GCNT2: variants seen among roughly 807,000 people sequenced by gnomAD.
The protein encoded by GCNT2 is N-acetyllactosaminide beta-1,6-N-acetylglucosaminyl-transferase.
In GCNT2, 34 loss-of-function variants were observed where a neutral mutation model predicts 34.2. The ratio of observed to expected loss-of-function variants is 1.00; its 90% CI spans 0.76 to 1.32. GCNT2 has a LOEUF of 1.32. GCNT2 is among the 40% of genes most tolerant of loss of function. GCNT2 has a pLI of 0.00. For synonymous variants in GCNT2, 212 were observed against 188.0 expected, an observed-to-expected ratio of 1.13 and a Z score of -1.04; for missense variants, 584 against 489.4, an observed-to-expected ratio of 1.19 and a Z score of -1.82.
intron 3 of GCNT2, among the ~76,000 whole-genome samples, chr6:10,547,190 C>A (rs1403107763): frequency 6.6e-6 from 1 of 152,156 alleles, no homozygotes; most frequent in Non-Finnish European, 1.5e-5. Context: ...TTTTCTTAAA[C>A]TATTTGCAAG....
chr6:10,572,360 T>G (rs1342080423), intron 3 of GCNT2, among the ~76,000 whole-genome samples: 1 of 152,218 alleles, frequency 6.6e-6, no homozygotes, highest in Admixed American at 6.5e-5. Flanking sequence ...GGACTGGACC[T>G]ATTCCATTTA....
intron 1 of GCNT2, among the ~76,000 whole-genome samples, chr6:10,521,798 C>G (rs1760927989): frequency 6.6e-6 from 1 of 151,920 alleles, no homozygotes; most frequent in South Asian, 2.1e-4. Context: ...TAGGAAAGAA[C>G]AACGTTCACT....
chr6:10,582,664 GAA>G (rs1236285054), intron 3 of GCNT2, among the ~76,000 whole-genome samples: 1 of 146,692 alleles, frequency 6.8e-6, no homozygotes, highest in Non-Finnish European at 1.5e-5. Context: ...TGATGGGGAA[GAA>G]AAGAGTGGAA....
intron 3 of GCNT2, among the ~76,000 whole-genome samples, chr6:10,569,271 A>ACACACACACACACACCCACC (rs1561806901): frequency 1.4e-5 from 2 of 142,356 alleles, no homozygotes; most frequent in African/African-American, 5.3e-5. Context: ...ACACACACAC[A>ACACACACACACACACCCACC]CACCCCCTAG....
intron 3 of GCNT2, among the ~76,000 whole-genome samples, chr6:10,600,777 T>C (rs1378873896): frequency 6.6e-6 from 1 of 152,082 alleles, no homozygotes; most frequent in Non-Finnish European, 1.5e-5. Flanking sequence ...TATTTATTTA[T>C]TTATTTAGAG....
intron 3 of GCNT2, among the ~76,000 whole-genome samples, chr6:10,576,954 C>T (rs1763847042): frequency 6.6e-6 from 1 of 152,082 alleles, no homozygotes; most frequent in Non-Finnish European, 1.5e-5. Flanking sequence ...TAGCCAAGTG[C>T]CTGTAGTCTC....
intron 3 of GCNT2, among the ~76,000 whole-genome samples, chr6:10,578,313 G>T (rs1386167302): frequency 1.3e-5 from 2 of 150,470 alleles, no homozygotes; most frequent in African/African-American, 2.4e-5. Flanking sequence ...TCCAGGAGGC[G>T]AAGGTTGCAG....
Position 10,529,782 on chromosome 6 carries a change from A to G in GCNT2, c.871A>G (p.Lys291Glu), listed in dbSNP as rs1761392260. The change falls in exon 3 of 5, where the codon AAG becomes GAG. Residue 291 changes from lysine to glutamate, a missense_variant. By Grantham distance (56) the Lys-to-Glu change is moderately conservative. Transcript: ENST00000495262. ...CGCACTTGACTTACTCTCCTGGTCC[A>G]AGGACACCTACAGCCCCGACGAACA... Reference protein sequence around the residue: ...QLALDLLSWSKDTYSPDEHFW... With the variant: ...QLALDLLSWSEDTYSPDEHFW... 2 of 1,614,186 alleles carry G rather than the reference A, an allele frequency of 1.2e-6. No homozygotes were observed. Among genetic ancestry groups the G allele is most frequent in the Non-Finnish European group, 1.7e-6 (2 of 1,180,008 alleles).
In GCNT2 at chr6:10,588,361, T is replaced by C. The variant is rs558095780; in HGVS notation, c.926-32990T>C. Among the ~76,000 whole-genome samples, 71 of 150,502 alleles carry C rather than the reference T, an allele frequency of 4.7e-4. 2 individuals are homozygous for C. The South Asian group carries it at 0.013, about 27-fold the overall frequency. The stretch of plus-strand genomic sequence containing the variant: ...TTATTTTTGTTGGTATAGTTGGTGA[T>C]AGCCTACATCGTTCCTTTTAATGAT... On this transcript the variant is annotated intron_variant, in intron 3 of 4. Coordinates refer to ENST00000495262, the MANE Select transcript of GCNT2 (RefSeq NM_145649.5).
rs1400835324 is a variant in GCNT2 at position 10,529,737 on chromosome 6, T to C, written c.826T>C (p.Phe276Leu). ...YVALTRDFAN[F>L]VLQDQLALDL... ...GGCTCTCACAAGGGACTTTGCTAAC[T>C]TCGTCCTCCAAGACCAGCTCGCACT... Residue 276 changes from phenylalanine (F) to leucine (L), a missense_variant, in exon 3 of 5, where the codon TTC (phenylalanine) becomes CTC (leucine). Phe to Leu is a conservative substitution (Grantham distance 22). Coordinates refer to ENST00000495262, the MANE Select transcript of GCNT2 (RefSeq NM_145649.5). The C allele has an allele frequency of 3.7e-6, 6 of 1,614,030 alleles. No individual in the cohort carries two copies. In the African/African-American group the frequency reaches 8.0e-5, roughly 22 times the overall value.
intron 3 of GCNT2, among the ~76,000 whole-genome samples, chr6:10,536,544 C>T (rs1028834879): frequency 2.7e-5 from 4 of 150,482 alleles, no homozygotes; most frequent in East Asian, 2.0e-4. Context: ...TTAGTAGAGA[C>T]GGGGTTTCAC....
At position 10,563,756 on chromosome 6, in the gene GCNT2, GAAAAA is replaced by G. The variant is rs55761102; in HGVS notation, c.925+33938_925+33942del. Among the ~76,000 whole-genome samples, 409 of 55,626 alleles carry G rather than the reference GAAAAA, an allele frequency of 7.4e-3. 3 individuals are homozygous for G. Among genetic ancestry groups the G allele is most frequent in the African/African-American group, 0.018 (334 of 18,560 alleles). The allele number at this position is 55,626 out of a possible 152,430, so 36.5% of individuals were successfully genotyped here. ...GACTCCATCTCAAAAAAAGAAAAAA[GAAAAA>G]AAAAAAAAAAAAAAAAATATATATA... On this transcript the variant is annotated intron_variant, in intron 3 of 4. Coordinates refer to ENST00000495262, the MANE Select transcript of GCNT2 (RefSeq NM_145649.5).
intron 3 of GCNT2, chr6:10,556,199 T>C (rs1762693116): frequency 7.1e-7 from 1 of 1,413,366 alleles, no homozygotes; most frequent in Non-Finnish European, 9.2e-7. Flanking sequence ...CACGGGGATT[T>C]AAACAAAGGA....
chr6:10,605,168 G>A (rs1293194556), intron 3 of GCNT2, among the ~76,000 whole-genome samples: 1 of 149,786 alleles, frequency 6.7e-6, no homozygotes, highest in African/African-American at 2.5e-5. Context: ...ACAAAAAACA[G>A]GTGTTCTCAA....
At chr6:10,602,402 G>C (rs1392950612) in intron 3 of GCNT2, among the ~76,000 whole-genome samples, 1 of 152,136 alleles carries the variant, frequency 6.6e-6, no homozygotes, top group Non-Finnish European at 1.5e-5. Context: ...GGAAGCCCAG[G>C]GCTTTTCATC....
intron 3 of GCNT2, among the ~76,000 whole-genome samples, chr6:10,588,541 T>C (rs1219951503): frequency 6.6e-6 from 1 of 152,194 alleles, no homozygotes; most frequent in Non-Finnish European, 1.5e-5. Flanking sequence ...GCCGTTTCTC[T>C]TGCACTAGGA....
chr6:10,569,753 C>A (rs1325762309), intron 3 of GCNT2, among the ~76,000 whole-genome samples: 1 of 152,206 alleles, frequency 6.6e-6, no homozygotes, highest in Admixed American at 6.5e-5. Flanking sequence ...AACCATTTCT[C>A]AGTGTAGTTT....
chr6:10,594,858 T>A (rs1202891165), intron 3 of GCNT2, among the ~76,000 whole-genome samples: 3 of 152,084 alleles, frequency 2.0e-5, no homozygotes, highest in African/African-American at 7.2e-5. Flanking sequence ...GTTCCTTTTT[T>A]TTTTGAGATA....
intron 3 of GCNT2, chr6:10,586,133 CT>C: frequency 6.2e-7 from 1 of 1,614,150 alleles, no homozygotes; most frequent in East Asian, 2.2e-5. Flanking sequence ...GGAAAACTGC[CT>C]GTAATCACGC....
Sources: allele counts gnomAD v4.1 joint callset (sites outside exome capture counted in the v4.1 genomes callset), GRCh38; gene constraint gnomAD v4.1.1; transcripts MANE v1.5; gene names NCBI Gene and HGNC (gene_info 2026-07-23, HGNC 2026-07-21).